The following ATP2B2 variants were observed in gnomAD, a reference collection of about 807,000 sequenced individuals.
ATP2B2 encodes the protein ATPase plasma membrane Ca2+ transporting 2, also known as plasma membrane calcium-transporting ATPase 2.
In ATP2B2, 15 loss-of-function variants were observed where a neutral mutation model predicts 120.0. The observed-to-expected ratio is 0.12, with a 90% confidence interval of 0.08 to 0.19. The LOEUF (loss-of-function observed/expected upper bound fraction) is 0.19, where lower values mean the gene tolerates loss of function less well. Among genes scored for constraint, ATP2B2 ranks in the 10% least tolerant of loss-of-function variants. The pLI is 1.00. For synonymous variants in ATP2B2, 694 were observed against 700.3 expected, an observed-to-expected ratio of 0.99 and a Z score of 0.14; for missense variants, 1,045 against 1,719.8, an observed-to-expected ratio of 0.61 and a Z score of 6.94.
chr3:10,402,412 G>C lies in ATP2B2; in HGVS notation c.398-64C>G. ...CAGACAGGAGAGGCCTCATGGGCCT[G>C]GATTTACAGCTCAGCTCTGCAAAGT... On this transcript the variant is annotated intron_variant, in intron 3 of 22. Transcript: ENST00000360273. The surrounding 1 kb of genome is among the most constrained non-coding windows in gnomAD (Gnocchi z 4.9). 1 of 1,598,114 alleles carries C rather than the reference G, an allele frequency of 6.3e-7. No individual in the cohort carries two copies. The highest frequency in any genetic ancestry group is 8.5e-7 in the Non-Finnish European group (1 of 1,173,762).
chr3:10,489,983 C>T (rs2065873191), intron 1 of ATP2B2, among the ~76,000 whole-genome samples: 2 of 152,260 alleles, frequency 1.3e-5, no homozygotes, highest in African/African-American at 2.4e-5. Context: ...TCAGTGCCTG[C>T]TCAAGTGGTG....
At chr3:10,485,848 AG>A (rs2065628285) in intron 1 of ATP2B2, among the ~76,000 whole-genome samples, 1 of 152,136 alleles carries the variant, frequency 6.6e-6, no homozygotes, top group African/African-American at 2.4e-5. Flanking sequence ...CTTGGGAGTC[AG>A]GAAGGGTTGC....
At chr3:10,575,984 C>A (rs935934753) in intron 2 of ATP2B2, among the ~76,000 whole-genome samples, 4 of 152,242 alleles carry the variant, frequency 2.6e-5, no homozygotes, top group African/African-American at 9.6e-5. Flanking sequence ...TGGCCCTTAA[C>A]AAGCACTTGG....
intron 1 of ATP2B2, among the ~76,000 whole-genome samples, chr3:10,703,853 G>A (rs78038153): frequency 0.051 from 7,699 of 152,178 alleles, 549 homozygotes; most frequent in African/African-American, 0.16. Context: ...CTTCCCAACC[G>A]CTTCCTTTAT....
At chr3:10,706,574 C>T (rs866626417) in intron 1 of ATP2B2, among the ~76,000 whole-genome samples, 25 of 152,186 alleles carry the variant, frequency 1.6e-4, no homozygotes, top group South Asian at 1.2e-3. Context: ...CCTACCAGCC[C>T]ACACAGAGAA....
rs544928220 is a variant in ATP2B2, at chr3:10,410,960, C to T, written c.200-145G>A. The T allele has an allele frequency of 5.8e-5, 59 of 1,013,038 alleles. 1 individual carries two copies. The South Asian group carries it at 8.3e-4, about 14-fold the overall frequency. The allele number at this position is 1,013,038 out of a possible 1,614,324, so 62.8% of individuals were successfully genotyped here. A position where few individuals can be genotyped will look rare whatever the true frequency, so the allele number is the denominator to read the frequency against. On this transcript the variant is annotated intron_variant, in intron 2 of 22. Coordinates refer to ENST00000360273, the MANE Select transcript of ATP2B2 (RefSeq NM_001001331.4). ...GCCCAACATCTCTTCATGCTTTGGG[C>T]CCTAAGTTGGTTCCTGCCAAAAGCC...
At chr3:10,541,994 A>T (rs1388073327) in intron 2 of ATP2B2, among the ~76,000 whole-genome samples, 2 of 152,176 alleles carry the variant, frequency 1.3e-5, no homozygotes, top group African/African-American at 2.4e-5. Flanking sequence ...TCATTATATT[A>T]TAATAATATC....
Position 10,400,867 on chromosome 3 carries a change from G to C in ATP2B2, c.781+86C>G, listed in dbSNP as rs950466262. 3.1e-6 allele frequency: 5 copies of C among 1,593,010 alleles called. No homozygotes were observed. In the African/African-American group the frequency reaches 6.7e-5, roughly 21 times the overall value. ...ACCAGAGCCAAGGATCAAAGTCTCT[G>C]AGTCCCTTCAGCCTCATGAAGGGGA... On this transcript the variant is annotated intron_variant, in intron 5 of 22. Transcript: ENST00000360273.
chr3:10,592,177 T>C (rs1025297711), intron 2 of ATP2B2, among the ~76,000 whole-genome samples: 8 of 152,178 alleles, frequency 5.3e-5, no homozygotes, highest in African/African-American at 1.9e-4. Flanking sequence ...ATCTCTATCA[T>C]CCCTGATTTT....
chr3:10,396,975 C>T (rs1305626725), intron 5 of ATP2B2, among the ~76,000 whole-genome samples: 3 of 152,218 alleles, frequency 2.0e-5, no homozygotes, highest in Non-Finnish European at 1.5e-5. Context: ...TATGTTGAGC[C>T]TCCCTGTGCA....
At chr3:10,598,335 C>T (rs909357477) in intron 2 of ATP2B2, among the ~76,000 whole-genome samples, 6 of 152,150 alleles carry the variant, frequency 3.9e-5, no homozygotes, top group South Asian at 2.1e-4. Context: ...AATGGCTTAA[C>T]GTCAACTGTG....
At chr3:10,690,923 C>T (rs768622641) in intron 1 of ATP2B2, among the ~76,000 whole-genome samples, 3 of 152,196 alleles carry the variant, frequency 2.0e-5, no homozygotes, top group Admixed American at 6.5e-5. Flanking sequence ...CCACTTTATT[C>T]GTCGATGAAT....
chr3:10,537,172 C>T (rs564845506), intron 2 of ATP2B2, among the ~76,000 whole-genome samples: 1 of 151,942 alleles, frequency 6.6e-6, no homozygotes, highest in Non-Finnish European at 1.5e-5. Flanking sequence ...TAAACTGATT[C>T]TTCATTCTTT....
At chr3:10,686,105 C>T (rs1326434472) in intron 1 of ATP2B2, among the ~76,000 whole-genome samples, 1 of 135,828 alleles carries the variant, frequency 7.4e-6, no homozygotes, top group African/African-American at 3.0e-5. Context: ...TGGCCTAATG[C>T]CTTGTGGTTG....
intron 1 of ATP2B2, among the ~76,000 whole-genome samples, chr3:10,630,824 G>A (rs1441309737): frequency 1.4e-5 from 2 of 140,206 alleles, no homozygotes; most frequent in African/African-American, 2.6e-5. Context: ...AATGAGGAAA[G>A]CAAGGCTAAG....
chr3:10,395,506 T>C (rs1268007570), intron 5 of ATP2B2, among the ~76,000 whole-genome samples: 2 of 152,162 alleles, frequency 1.3e-5, no homozygotes, highest in African/African-American at 4.8e-5. Flanking sequence ...ATCTGCATGA[T>C]GAGGAGGAGA....
chr3:10,397,305 G>A lies in ATP2B2; in HGVS notation c.781+3648C>T, dbSNP rs770407954. The stretch of plus-strand genomic sequence containing the variant: ...AGAAATGACACTACATAGTAGTGTC[G>A]TCTATCTGCATGTGGCCAAGGACAG... On this transcript the variant is annotated intron_variant, in intron 5 of 22. Coordinates refer to ENST00000360273, the MANE Select transcript of ATP2B2 (RefSeq NM_001001331.4). Among the ~76,000 whole-genome samples, 25 of 152,310 alleles carry A rather than the reference G, an allele frequency of 1.6e-4. 1 individual carries two copies. Among genetic ancestry groups the A allele is most frequent in the South Asian group, 8.3e-4 (4 of 4,830 alleles).
intron 7 of ATP2B2, 148 bp downstream of exon 7, chr3:10,386,332 G>A (rs1417652517): frequency 3.6e-6 from 3 of 823,218 alleles, no homozygotes; most frequent in Non-Finnish European, 6.2e-6. Context: ...CATCACAGGA[G>A]GGCACAAAGG....
chr3:10,492,029 A>C (rs749641570), intron 1 of ATP2B2, among the ~76,000 whole-genome samples: 2 of 152,202 alleles, frequency 1.3e-5, no homozygotes, highest in Non-Finnish European at 2.9e-5. Flanking sequence ...GGAGAGGAAA[A>C]TTATTCATTT....
Sources: gnomAD v4.1 joint callset for allele counts (sites outside exome capture counted in the v4.1 genomes callset) on GRCh38, gnomAD v4.1.1 for gene constraint, Gnocchi (gnomAD v3.1) non-coding constraint, MANE v1.5 for transcripts, NCBI Gene and HGNC (gene_info 2026-07-23, HGNC 2026-07-21) for gene names.